TENM2: variants seen among roughly 807,000 people sequenced by gnomAD.
The protein encoded by TENM2 is teneurin transmembrane protein 2.
In TENM2, 52 loss-of-function variants were observed where a neutral mutation model predicts 245.2. The observed-to-expected ratio is 0.21, with a 90% confidence interval of 0.17 to 0.27. The LOEUF (loss-of-function observed/expected upper bound fraction) is 0.27, where lower values mean the gene tolerates loss of function less well. TENM2 is among the 10% of genes least tolerant of loss of function. TENM2 has a pLI of 1.00. For missense variants in TENM2, 3,046 were observed against 3,666.8 expected (o/e 0.83, Z 4.37); for synonymous variants, 1,363 against 1,438.9 (o/e 0.95, Z 1.19).
chr5:167,852,374 G>GT (rs1770664036), intron 2 of TENM2, among the ~76,000 whole-genome samples: 1 of 152,136 alleles, frequency 6.6e-6, no homozygotes, highest in Non-Finnish European at 1.5e-5. Flanking sequence ...TTTCAGTGGT[G>GT]TTTTTCCCAA....
At chr5:168,123,562 C>T (rs970190900) in intron 10 of TENM2, among the ~76,000 whole-genome samples, 2 of 152,216 alleles carry the variant, frequency 1.3e-5, no homozygotes, top group African/African-American at 4.8e-5. Flanking sequence ...TTTAATAACA[C>T]TGTCAGCGTG....
intron 6 of TENM2, among the ~76,000 whole-genome samples, chr5:168,056,437 T>C (rs1210129772): frequency 6.6e-6 from 1 of 152,234 alleles, no homozygotes; most frequent in African/African-American, 2.4e-5. Context: ...AATTGACAAA[T>C]TTGAATAAGG....
chr5:167,452,308 G>T (rs1213295809), intron 2 of TENM2, among the ~76,000 whole-genome samples: 4 of 152,156 alleles, frequency 2.6e-5, no homozygotes, highest in African/African-American at 9.7e-5. Flanking sequence ...TGGGAGGAGG[G>T]TCTGTTATGG....
chr5:167,490,799 T>C (rs972746123), intron 2 of TENM2, among the ~76,000 whole-genome samples: 6 of 152,182 alleles, frequency 3.9e-5, no homozygotes, highest in African/African-American at 1.4e-4. Flanking sequence ...CTACTGCAAG[T>C]GACAAAAAGT....
the TENM2 span, among the ~76,000 whole-genome samples, chr5:167,046,122 T>C: frequency 6.6e-6 from 1 of 152,056 alleles, no homozygotes; most frequent in Non-Finnish European, 1.5e-5. Flanking sequence ...AGTTAACAAA[T>C]TAAGAACTCA....
At chr5:167,398,175 C>G (rs1200920707) in intron 2 of TENM2, among the ~76,000 whole-genome samples, 1 of 152,060 alleles carries the variant, frequency 6.6e-6, no homozygotes, top group Admixed American at 6.6e-5. Flanking sequence ...TGAAGACAAT[C>G]GAGGCTATAG....
At chr5:167,087,849 G>A in the TENM2 span, among the ~76,000 whole-genome samples, 42 of 151,860 alleles carry the variant, frequency 2.8e-4, no homozygotes, top group Admixed American at 1.5e-3. Flanking sequence ...GAGTGCAGTG[G>A]CACAATTTTG....
chr5:167,381,983 A>T (rs1158418146), intron 2 of TENM2, among the ~76,000 whole-genome samples: 1 of 152,172 alleles, frequency 6.6e-6, no homozygotes, highest in East Asian at 1.9e-4. Context: ...ATGATTGTAT[A>T]TGTGGGGGGT....
chr5:167,835,359 T>C (rs1768895608), intron 2 of TENM2, among the ~76,000 whole-genome samples: 1 of 152,212 alleles, frequency 6.6e-6, no homozygotes, highest in South Asian at 2.1e-4. Context: ...GATTTCCTGA[T>C]TGGGCAAGAA....
the TENM2 span, among the ~76,000 whole-genome samples, chr5:167,234,551 T>C: frequency 1.1e-4 from 17 of 152,360 alleles, no homozygotes; most frequent in Non-Finnish European, 1.9e-4. Flanking sequence ...GCCAGGCTAC[T>C]TGAAGAGGTC....
chr5:167,456,688 A>G (rs745928634), intron 2 of TENM2, among the ~76,000 whole-genome samples: 9 of 152,250 alleles, frequency 5.9e-5, no homozygotes, highest in Non-Finnish European at 1.2e-4. Context: ...TATTAGCTAC[A>G]TAAATGAGCT....
intron 14 of TENM2, among the ~76,000 whole-genome samples, chr5:168,191,330 A>G (rs1001277260): frequency 6.6e-6 from 1 of 152,160 alleles, no homozygotes; most frequent in Non-Finnish European, 1.5e-5. Context: ...CCTCTTTTCT[A>G]TGCACTACGT....
chr5:167,485,034 T>C (rs1322267985), intron 2 of TENM2, among the ~76,000 whole-genome samples: 2 of 152,208 alleles, frequency 1.3e-5, no homozygotes, highest in Non-Finnish European at 2.9e-5. Flanking sequence ...TAGCCCAGAA[T>C]TCATAATTTT....
chr5:167,987,332 C>CA (rs568277987), intron 4 of TENM2, among the ~76,000 whole-genome samples: 2 of 143,166 alleles, frequency 1.4e-5, no homozygotes, highest in Non-Finnish European at 3.1e-5. Flanking sequence ...TCTTCGCTTC[C>CA]TTTTTTTTTT....
intron 1 of TENM2, among the ~76,000 whole-genome samples, chr5:167,335,300 A>G (rs751946871): frequency 6.6e-6 from 1 of 152,170 alleles, no homozygotes; most frequent in Admixed American, 6.5e-5. Flanking sequence ...TGAGGAAAGT[A>G]CCAAGAGGAT....
chr5:167,973,352 A>G (rs1462287092), intron 4 of TENM2, among the ~76,000 whole-genome samples: 2 of 152,148 alleles, frequency 1.3e-5, no homozygotes, highest in Non-Finnish European at 2.9e-5. Context: ...CCTGTTGGTA[A>G]TCCCATTACC....
chr5:167,370,714 T>C (rs1329106807), intron 1 of TENM2, among the ~76,000 whole-genome samples: 2 of 152,252 alleles, frequency 1.3e-5, no homozygotes, highest in Admixed American at 1.3e-4. Flanking sequence ...TTATCAGTGA[T>C]ATCAGGAGAC....
chr5:167,609,677 A>G (rs932573151), intron 2 of TENM2, among the ~76,000 whole-genome samples: 1 of 152,046 alleles, frequency 6.6e-6, no homozygotes, highest in African/African-American at 2.4e-5. Context: ...TTGCGTTAGA[A>G]TTTGAGGATC....
chr5:168,035,142 T>C (rs772806442), intron 5 of TENM2, among the ~76,000 whole-genome samples: 8 of 152,238 alleles, frequency 5.3e-5, no homozygotes, highest in Non-Finnish European at 1.0e-4. Context: ...GATAATATTT[T>C]GGATATATTG....
Sources: gnomAD v4.1 joint callset for allele counts (sites outside exome capture counted in the v4.1 genomes callset) on GRCh38, gnomAD v4.1.1 for gene constraint, MANE v1.5 for transcripts, NCBI Gene and HGNC (gene_info 2026-07-23, HGNC 2026-07-21) for gene names.